The following BTD variants were observed in gnomAD, a reference collection of about 807,000 sequenced individuals.
BTD encodes the protein biocytinase.
In BTD, 13 loss-of-function variants were observed where a neutral mutation model predicts 17.7. The observed-to-expected ratio is 0.74, with a 90% confidence interval of 0.48 to 1.17. The LOEUF (loss-of-function observed/expected upper bound fraction) is 1.17. Ranked by LOEUF, BTD falls within the 50% of genes most tolerant of loss-of-function variation. BTD has a pLI of 0.00. For synonymous variants in BTD, 240 were observed against 245.2 expected, an observed-to-expected ratio of 0.98 and a Z score of 0.20; for missense variants, 674 against 650.4, an observed-to-expected ratio of 1.04 and a Z score of -0.39.
intron 3 of BTD, among the ~76,000 whole-genome samples, chr3:15,642,819 T>C (rs2065560130): frequency 6.6e-6 from 1 of 152,098 alleles, no homozygotes; most frequent in African/African-American, 2.4e-5. Context: ...TTTGCTATTA[T>C]ATTTTTGTAA....
chr3:15,711,231 T>A (rs767602669), exon 4 of BTD: 1 of 1,612,840 alleles, frequency 6.2e-7, no homozygotes. Flanking sequence ...CAGCTGCATG[T>A]AGACAAGTCC....
chr3:15,676,704 C>A, intron 3 of BTD: 1 of 302,122 alleles, frequency 3.3e-6, no homozygotes, highest in Non-Finnish European at 6.2e-6. Flanking sequence ...CAAAATAGTA[C>A]TACTTTCCTT....
At chr3:15,621,751 C>T (rs2064957327) in intron 1 of BTD, among the ~76,000 whole-genome samples, 1 of 152,114 alleles carries the variant, frequency 6.6e-6, no homozygotes, top group Non-Finnish European at 1.5e-5. Context: ...AGGTGCCCAC[C>T]ACCACGCCTG....
chr3:15,720,571 T>C (rs1205228113), intron 4 of BTD, among the ~76,000 whole-genome samples: 1 of 152,206 alleles, frequency 6.6e-6, no homozygotes, highest in Non-Finnish European at 1.5e-5. Context: ...GTATATAACA[T>C]AAACCCCTGC....
intron 3 of BTD, chr3:15,670,139 G>T: frequency 9.8e-6 from 10 of 1,022,450 alleles, no homozygotes; most frequent in Non-Finnish European, 1.3e-5. Context: ...AATGCCATCA[G>T]ATCTCTTAAC....
chr3:15,713,768 C>A (rs2072637143), downstream of BTD: 1 of 506,314 alleles, frequency 2.0e-6, no homozygotes, highest in Admixed American at 3.8e-5. Context: ...AACTAGATTT[C>A]ATTCATAGCT....
intron 2 of BTD, among the ~76,000 whole-genome samples, chr3:15,640,984 T>G (rs1360637123): frequency 2.0e-5 from 3 of 152,220 alleles, no homozygotes; most frequent in African/African-American, 7.2e-5. Flanking sequence ...ATGCCTTCTC[T>G]GCCTGCCTTC....
chr3:15,670,358 T>A, intron 3 of BTD: 1 of 1,613,768 alleles, frequency 6.2e-7, no homozygotes, highest in Non-Finnish European at 8.5e-7. Context: ...GAAACTGCAA[T>A]AGGAGCTAGG....
At chr3:15,719,034 C>T (rs2073399292) in intron 4 of BTD, among the ~76,000 whole-genome samples, 1 of 152,100 alleles carries the variant, frequency 6.6e-6, no homozygotes, top group Non-Finnish European at 1.5e-5. Flanking sequence ...CTAGTAATTA[C>T]TTAAACTATA....
exon 4 of BTD, among the ~76,000 whole-genome samples, chr3:15,710,235 CTG>C (rs1402998079): frequency 6.6e-6 from 1 of 152,162 alleles, no homozygotes; most frequent in Non-Finnish European, 1.5e-5. Flanking sequence ...TATACTATGA[CTG>C]TTTACATATA....
In BTD at chr3:15,649,286, A is replaced by G. The variant is rs999744146; in HGVS notation, c.*3798A>G. The stretch of plus-strand genomic sequence containing the variant: ...CTTCCCCTGAAGCAAATGATCCAAG[A>G]GAGCACAGGTGGAGCCATGATGTCT... On this transcript the variant is annotated 3_prime_UTR_variant, in exon 4 of 4. Coordinates refer to ENST00000643237, the MANE Select transcript of BTD (RefSeq NM_001370658.1). Among the ~76,000 whole-genome samples, 3 of 152,198 alleles carry G rather than the reference A, an allele frequency of 2.0e-5. No homozygotes were observed. The highest frequency in any genetic ancestry group is 2.0e-4 in the Admixed American group (3 of 15,278).
intron 3 of BTD, among the ~76,000 whole-genome samples, chr3:15,670,729 C>T (rs1311840119): frequency 6.6e-6 from 1 of 152,080 alleles, no homozygotes. Flanking sequence ...AAAAGAATAG[C>T]CATAGAAACC....
rs2065794047 is a variant in BTD, at chr3:15,651,066, C to T, written c.*5578C>T. Reference sequence around the variant, plus strand: ...TACAGGCGTGAGCCACCGTACCCGGCCAGGGCTGTGATATTCTGATCAGCC... The same window carrying T: ...TACAGGCGTGAGCCACCGTACCCGGTCAGGGCTGTGATATTCTGATCAGCC... On this transcript the variant is annotated 3_prime_UTR_variant, in exon 4 of 4. Coordinates refer to ENST00000643237, the MANE Select transcript of BTD (RefSeq NM_001370658.1). Among the ~76,000 whole-genome samples, 1 of 152,010 alleles carries T rather than the reference C, an allele frequency of 6.6e-6. No homozygotes were observed. The highest frequency in any genetic ancestry group is 2.4e-5 in the African/African-American group (1 of 41,412).
chr3:15,635,479 G>A lies in BTD; in HGVS notation c.40G>A (p.Gly14Ser), dbSNP rs119103232. 3.8e-5 allele frequency: 62 copies of A among 1,613,226 alleles called. No individual in the cohort carries two copies. Among genetic ancestry groups the A allele is most frequent in the Non-Finnish European group, 4.9e-5 (58 of 1,179,412 alleles). Residue 14 changes from glycine to serine, a missense_variant, in exon 2 of 4, where the codon GGC becomes AGC. Physicochemically the swap from Gly to Ser is moderately conservative, Grantham distance 56. Transcript: ENST00000643237. The surrounding 1 kb of genome is among the most constrained non-coding windows in gnomAD (Gnocchi z 4.1). ...ARSKLALFLC[G>S]CYVVALGAHT... The stretch of plus-strand genomic sequence containing the variant: ...AAGTAAGCTTGCTCTTTTCCTCTGC[G>A]GCTGTTACGTGGTTGCCCTGGGAGC...
chr3:15,624,752 T>G (rs942727940), intron 1 of BTD, among the ~76,000 whole-genome samples: 3 of 152,158 alleles, frequency 2.0e-5, no homozygotes, highest in Admixed American at 2.0e-4. Flanking sequence ...AGACAAAGTC[T>G]CCCTCTGTCA....
chr3:15,642,233 C>T (rs959376726), intron 3 of BTD, 176 bp downstream of exon 3: 187 of 1,461,364 alleles, frequency 1.3e-4, no homozygotes, highest in African/African-American at 7.5e-4. Flanking sequence ...GAATGTCTGA[C>T]GTTACAAGGC....
At position 15,645,624 on chromosome 3, in the gene BTD, G is replaced by A. The variant is rs2065677059; in HGVS notation, c.*136G>A. On this transcript the variant is annotated 3_prime_UTR_variant, in exon 4 of 4. Transcript: ENST00000643237. Reference sequence around the variant, plus strand: ...TTCTGTGGCACCAGATTCCACCCTGGGAACTGTGGAAAAAGTAGGAGAGGC... The same window carrying A: ...TTCTGTGGCACCAGATTCCACCCTGAGAACTGTGGAAAAAGTAGGAGAGGC... 1 of 979,776 alleles carries A rather than the reference G, an allele frequency of 1.0e-6. No individual in the cohort carries two copies. Among genetic ancestry groups the A allele is most frequent in the African/African-American group, 1.6e-5 (1 of 60,988 alleles). 60.7% of individuals were successfully genotyped at this position (979,776 alleles called of 1,614,324 possible). A position where few individuals can be genotyped will look rare whatever the true frequency, so the allele number is the denominator to read the frequency against.
chr3:15,707,070 C>T (rs899213232), intron 3 of BTD, among the ~76,000 whole-genome samples: 1 of 151,954 alleles, frequency 6.6e-6, no homozygotes, highest in Non-Finnish European at 1.5e-5. Flanking sequence ...ATTTTGAGGG[C>T]GAAAAGTAAA....
At chr3:15,638,886 T>C (rs944187966) in intron 2 of BTD, among the ~76,000 whole-genome samples, 1 of 152,190 alleles carries the variant, frequency 6.6e-6, no homozygotes, top group Non-Finnish European at 1.5e-5. Context: ...TATGTAAACA[T>C]AGAAAAGGTA....
Sources: gnomAD v4.1 joint callset for allele counts (sites outside exome capture counted in the v4.1 genomes callset) on GRCh38, gnomAD v4.1.1 for gene constraint, Gnocchi (gnomAD v3.1) non-coding constraint, MANE v1.5 for transcripts, NCBI Gene and HGNC (gene_info 2026-07-23, HGNC 2026-07-21) for gene names.